DDC: variants seen among roughly 807,000 people sequenced by gnomAD.
DDC encodes dopa decarboxylase.
A neutral mutation model predicts 60.0 loss-of-function variants in DDC; 43 were observed. The observed-to-expected ratio is 0.72, with a 90% CI of 0.56 to 0.92. The LOEUF (loss-of-function observed/expected upper bound fraction) is 0.92. DDC is among the 40% of genes least tolerant of loss of function. DDC has a pLI of 0.00. For synonymous variants in DDC, 232 were observed against 234.6 expected, an observed-to-expected ratio of 0.99 and a Z score of 0.10; for missense variants, 573 against 620.2, an observed-to-expected ratio of 0.92 and a Z score of 0.81.
chr7:50,512,094 C>T (rs1291213401), intron 6 of DDC, among the ~76,000 whole-genome samples: 2 of 151,964 alleles, frequency 1.3e-5, no homozygotes, highest in Non-Finnish European at 2.9e-5. Flanking sequence ...ATAAAGCACA[C>T]AGACTGTCAG....
At chr7:50,480,115 G>A (rs11575454) in intron 9 of DDC, among the ~76,000 whole-genome samples, 1 of 152,156 alleles carries the variant, frequency 6.6e-6, no homozygotes. Context: ...TAGTGATAAG[G>A]GTTCATTTTG....
At chr7:50,559,668 T>C (rs1444818425) in intron 1 of DDC, among the ~76,000 whole-genome samples, 3 of 152,208 alleles carry the variant, frequency 2.0e-5, no homozygotes, top group African/African-American at 4.8e-5. Context: ...CCTCAGGTGA[T>C]CCACTCGCCT....
intron 9 of DDC, among the ~76,000 whole-genome samples, chr7:50,495,031 A>G (rs2043098180): frequency 6.6e-6 from 1 of 152,222 alleles, no homozygotes; most frequent in Admixed American, 6.5e-5. Flanking sequence ...ACTGGTTACG[A>G]ATCTAAGAAT....
At chr7:50,547,784 C>T (rs376517499) in intron 1 of DDC, among the ~76,000 whole-genome samples, 63 of 152,266 alleles carry the variant, frequency 4.1e-4, no homozygotes, top group African/African-American at 1.3e-3. Context: ...TACAACCCAG[C>T]GTAAATTGCT....
At chr7:50,503,833 T>G (rs2043318037) in intron 7 of DDC, among the ~76,000 whole-genome samples, 160 bp downstream of exon 7, 1 of 151,910 alleles carries the variant, frequency 6.6e-6, no homozygotes, top group Admixed American at 6.6e-5. Flanking sequence ...GTTTGTGGAG[T>G]TCAAGCTAAT....
rs757691034 is a variant in DDC, at chr7:50,529,303, C to T, written c.475G>A (p.Ala159Thr). Residue 159 changes from alanine (A) to threonine (T), a missense_variant, in exon 5 of 15, where the codon GCT (alanine) becomes ACT (threonine). Physicochemically the swap from Ala to Thr is moderately conservative, Grantham distance 58. Coordinates refer to ENST00000444124, the MANE Select transcript of DDC (RefSeq NM_001082971.2). Reference sequence around the variant, plus strand: ...AGCCGATGGATCACTTTGGTCCGAGCGGCCAGCAGGGCCACCAGGGTGGCT... The same window carrying T: ...AGCCGATGGATCACTTTGGTCCGAGTGGCCAGCAGGGCCACCAGGGTGGCT... ...SEATLVALLAARTKVIHRLQA... is the reference protein window; with the variant it reads ...SEATLVALLATRTKVIHRLQA... The T allele has an allele frequency of 3.1e-6, 5 of 1,614,048 alleles. No homozygotes were observed. Among genetic ancestry groups the T allele is most frequent in the African/African-American group, 1.3e-5 (1 of 74,920 alleles).
intron 11 of DDC, among the ~76,000 whole-genome samples, chr7:50,473,743 T>G (rs375843153): frequency 9.9e-5 from 15 of 152,174 alleles, no homozygotes; most frequent in African/African-American, 3.6e-4. Flanking sequence ...GTGCCAGGGA[T>G]CTCAGCATCA....
At chr7:50,510,929 C>T (rs1464538960) in intron 6 of DDC, among the ~76,000 whole-genome samples, 7 of 140,150 alleles carry the variant, frequency 5.0e-5, no homozygotes, top group South Asian at 2.3e-4. Context: ...TGCAGTGAGC[C>T]GAGATAGCGC....
intron 1 of DDC, among the ~76,000 whole-genome samples, chr7:50,559,669 C>T (rs1373747303): frequency 6.6e-6 from 1 of 152,198 alleles, no homozygotes. Context: ...CTCAGGTGAT[C>T]CACTCGCCTC....
At chr7:50,539,854 T>C (rs1158116955) in intron 3 of DDC, 61 bp downstream of exon 3, 9 of 1,306,612 alleles carry the variant, frequency 6.9e-6, no homozygotes, top group Non-Finnish European at 9.9e-6. Context: ...AGGTACCGTG[T>C]CCCCACCCCG....
At chr7:50,497,906 C>T (rs142713109) in intron 8 of DDC, among the ~76,000 whole-genome samples, 39 of 152,290 alleles carry the variant, frequency 2.6e-4, no homozygotes, top group African/African-American at 9.4e-4. Context: ...CATTTGTATT[C>T]TATACCTCTG....
chr7:50,555,241 G>T (rs1163577972), intron 1 of DDC, among the ~76,000 whole-genome samples: 1 of 151,876 alleles, frequency 6.6e-6, no homozygotes, highest in East Asian at 1.9e-4. Context: ...CACAATCCGG[G>T]TGTCCTGGGT....
chr7:50,483,335 A>G lies in DDC; in HGVS notation c.945-3472T>C, dbSNP rs575435352. On this transcript the variant is annotated intron_variant, in intron 9 of 14. Coordinates refer to ENST00000444124, the MANE Select transcript of DDC (RefSeq NM_001082971.2). Reference sequence around the variant, plus strand: ...TTCTACTATTAAACCATCCTGCCATATCCAGATTAAACACAGTTTGGACAT... The same window carrying G: ...TTCTACTATTAAACCATCCTGCCATGTCCAGATTAAACACAGTTTGGACAT... Among the ~76,000 whole-genome samples, 12 of 152,304 alleles carry G rather than the reference A, an allele frequency of 7.9e-5. 1 individual carries two copies. Among genetic ancestry groups the G allele is most frequent in the South Asian group, 2.1e-4 (1 of 4,828 alleles).
At chr7:50,500,487 C>T (rs918073527) in intron 7 of DDC, among the ~76,000 whole-genome samples, 18 of 152,146 alleles carry the variant, frequency 1.2e-4, no homozygotes, top group Admixed American at 1.1e-3. Flanking sequence ...TCAACCTTAC[C>T]GCTGATCTGA....
intron 12 of DDC, 61 bp downstream of exon 12, chr7:50,470,012 T>C: frequency 9.1e-7 from 1 of 1,092,960 alleles, no homozygotes; most frequent in East Asian, 2.3e-5. Flanking sequence ...TTTGAATTTA[T>C]TTCTAAAGTC....
chr7:50,528,544 T>C (rs2044104804), intron 5 of DDC, among the ~76,000 whole-genome samples: 1 of 152,170 alleles, frequency 6.6e-6, no homozygotes, highest in Non-Finnish European at 1.5e-5. Context: ...GGTCAATATT[T>C]ATGAAGTTTT....
chr7:50,555,162 A>G (rs2045139088), intron 1 of DDC, among the ~76,000 whole-genome samples: 1 of 152,134 alleles, frequency 6.6e-6, no homozygotes, highest in African/African-American at 2.4e-5. Flanking sequence ...AGGCTGAGCC[A>G]GTGTCACGGG....
chr7:50,486,497 T>C (rs984474660), intron 9 of DDC, among the ~76,000 whole-genome samples: 15 of 152,172 alleles, frequency 9.9e-5, no homozygotes, highest in African/African-American at 3.4e-4. Context: ...ATCATTAAGA[T>C]TATGGAGTTT....
chr7:50,495,368 A>G lies in DDC; in HGVS notation c.926T>C (p.Phe309Ser). 1 of 1,613,348 alleles carries G rather than the reference A, an allele frequency of 6.2e-7. No homozygotes were observed. The highest frequency in any genetic ancestry group is 8.5e-7 in the Non-Finnish European group (1 of 1,179,602). ...FNPHKWLLVN[F>S]DCSAMWVKKR... is the part of the protein sequence containing the mutation. ...AACTTACCACATGGCAGAACAGTCA[A>G]AATTCACCAATAGCCATTTGTGGGG... Residue 309 changes from phenylalanine (F) to serine (S), a missense_variant, in exon 9 of 15, where the codon TTT (phenylalanine) becomes TCT (serine). Physicochemically the swap from Phe to Ser is radical, Grantham distance 155. Transcript: ENST00000444124.
Sources: allele counts gnomAD v4.1 joint callset (sites outside exome capture counted in the v4.1 genomes callset), GRCh38; gene constraint gnomAD v4.1.1; transcripts MANE v1.5; gene names NCBI Gene and HGNC (gene_info 2026-07-23, HGNC 2026-07-21).